The following UBR4 variants were observed in gnomAD, a reference collection of about 807,000 sequenced individuals.
UBR4 encodes E3 ubiquitin-protein ligase UBR4.
UBR4 carries 124 observed loss-of-function variants against 575.6 expected under a neutral mutation model. The ratio of observed to expected loss-of-function variants is 0.22; its 90% CI spans 0.19 to 0.25. UBR4 has a LOEUF of 0.25. UBR4 is among the 10% of genes least tolerant of loss of function. The pLI is 1.00. For missense variants in UBR4, 4,818 were observed against 6,478.8 expected, an observed-to-expected ratio of 0.74 and a Z score of 8.80; for synonymous variants, 2,455 against 2,473.7, an observed-to-expected ratio of 0.99 and a Z score of 0.22.
chr1:19,081,807 G>A (rs1219145016), intron 102 of UBR4: 3 of 700,698 alleles, frequency 4.3e-6, no homozygotes, highest in Non-Finnish European at 8.0e-6. Context: ...CTGGCCCCAT[G>A]TCTAGCTCCT....
intron 3 of UBR4, among the ~76,000 whole-genome samples, chr1:19,199,278 T>G (rs116434731): frequency 9.5e-4 from 145 of 152,338 alleles, no homozygotes; most frequent in African/African-American, 3.2e-3. Context: ...ACCTGCAATC[T>G]TCTCAACTAG....
At chr1:19,199,924 T>A (rs546949528) in intron 2 of UBR4, among the ~76,000 whole-genome samples, 170 bp from the exon 3 acceptor site, 1 of 152,218 alleles carries the variant, frequency 6.6e-6, no homozygotes. Flanking sequence ...AACTACCAGA[T>A]CAATTTATCT....
chr1:19,092,713 T>C, intron 97 of UBR4, 106 bp downstream of exon 97: 2 of 903,808 alleles, frequency 2.2e-6, no homozygotes, highest in Non-Finnish European at 3.3e-6. Flanking sequence ...GAGGCTCACT[T>C]CTACTCTAGA....
rs113497754 is a variant in UBR4 at position 19,100,304 on chromosome 1, C to T, written c.13221+72G>A. On this transcript the variant is annotated intron_variant, in intron 89 of 105. Transcript: ENST00000375254. This position sits in a 1 kb window ranked among gnomAD's most constrained non-coding sequence, Gnocchi z 4.2. ...AAGTTAATCAGCTACTAGGAAGAAG[C>T]ACCTGGATTTGGTTAGCCTAGGAGG... 778 of 1,549,596 alleles carry T rather than the reference C, an allele frequency of 5.0e-4. 16 individuals are homozygous for T. In the South Asian group the frequency reaches 6.8e-3, roughly 13 times the overall value.
chr1:19,155,817 T>C, intron 42 of UBR4, 149 bp from the exon 43 acceptor site: 1 of 669,234 alleles, frequency 1.5e-6, no homozygotes, highest in African/African-American at 1.8e-5. Context: ...ACTGGTCTTA[T>C]AAAGATGAAC....
chr1:19,126,174 C>T (rs1176878809), intron 64 of UBR4, among the ~76,000 whole-genome samples: 1 of 152,140 alleles, frequency 6.6e-6, no homozygotes, highest in Admixed American at 6.5e-5. Flanking sequence ...TAGCTTGTAC[C>T]TTCTCATCTT....
chr1:19,192,006 A>C (rs1168567560), intron 11 of UBR4, among the ~76,000 whole-genome samples, 182 bp downstream of exon 11: 1 of 152,236 alleles, frequency 6.6e-6, no homozygotes, highest in Non-Finnish European at 1.5e-5. Flanking sequence ...TGAGTGACTT[A>C]TCTAAAAATC....
At chr1:19,131,683 G>T (rs1166438508) in intron 60 of UBR4, among the ~76,000 whole-genome samples, 1 of 152,202 alleles carries the variant, frequency 6.6e-6, no homozygotes, top group Admixed American at 6.5e-5. Flanking sequence ...AGACCAGCCT[G>T]ACCAACATGG....
In UBR4 at chr1:19,173,190, G is replaced by C. The variant is rs759188184; in HGVS notation, c.3282C>G (p.Phe1094Leu). The change falls in exon 24 of 106, where the codon TTC (phenylalanine) becomes TTG (leucine). Residue 1094 changes from phenylalanine (F) to leucine (L), a missense_variant. By Grantham distance (22) the Phe-to-Leu change is conservative. Transcript: ENST00000375254. ...KYDVEIVEEY[F>L]ARQISSFCSI... ...TTCCAATATTACATACCTGTCGAGC[G>C]AAGTATTCCTCTACTATTTCAACAT... The C allele has an allele frequency of 6.2e-7, 1 of 1,614,186 alleles. No homozygotes were observed. Among genetic ancestry groups the C allele is most frequent in the East Asian group, 2.2e-5 (1 of 44,890 alleles).
At chr1:19,134,979 C>T (rs1003928244) in intron 60 of UBR4, among the ~76,000 whole-genome samples, 6 of 151,860 alleles carry the variant, frequency 4.0e-5, no homozygotes, top group African/African-American at 1.5e-4. Context: ...CCTTTTAATG[C>T]TTTTGTGTCC....
chr1:19,093,003 C>G lies in UBR4; in HGVS notation c.14112-85G>C. The G allele has an allele frequency of 8.0e-7, 1 of 1,247,550 alleles. No homozygotes were observed. The highest frequency in any genetic ancestry group is 1.3e-5 in the South Asian group (1 of 74,598). The allele number at this position is 1,247,550 out of a possible 1,614,324, so 77.3% of individuals were successfully genotyped here. A position where few individuals can be genotyped will look rare whatever the true frequency, so the allele number is the denominator to read the frequency against. Reference sequence around the variant, plus strand: ...GTTGTTGACTCTGGCTTGTTTAAACCCCCAGGGCATGATTAACCGTGACCC... The same window carrying G: ...GTTGTTGACTCTGGCTTGTTTAAACGCCCAGGGCATGATTAACCGTGACCC... On this transcript the variant is annotated intron_variant, in intron 96 of 105. Transcript: ENST00000375254. The surrounding 1 kb of genome is among the most constrained non-coding windows in gnomAD (Gnocchi z 4.8).
At chr1:19,096,188 C>A (rs1370269171) in intron 92 of UBR4, among the ~76,000 whole-genome samples, 1 of 152,106 alleles carries the variant, frequency 6.6e-6, no homozygotes. Context: ...AATACCCAAA[C>A]AAAACCCTAC....
chr1:19,178,812 G>A (rs1227214437), intron 18 of UBR4, among the ~76,000 whole-genome samples: 2 of 152,122 alleles, frequency 1.3e-5, no homozygotes, highest in Non-Finnish European at 2.9e-5. Flanking sequence ...CAAGATTGTG[G>A]TTCCATCGCA....
chr1:19,185,427 A>C (rs1357421117), intron 14 of UBR4, 141 bp from the exon 15 acceptor site: 2 of 757,436 alleles, frequency 2.6e-6, no homozygotes, highest in Non-Finnish European at 4.0e-6. Context: ...GCATTTGTGT[A>C]TCAAAACTCA....
intron 1 of UBR4, among the ~76,000 whole-genome samples, chr1:19,209,032 T>C (rs1256556628): frequency 2.0e-5 from 3 of 152,222 alleles, no homozygotes; most frequent in Non-Finnish European, 4.4e-5. Flanking sequence ...TTATTATAAT[T>C]TGTTAAAAAC....
Position 19,146,973 on chromosome 1 carries a change from G to T in UBR4, c.7657C>A (p.Gln2553Lys), listed in dbSNP as rs1186445974. The T allele has an allele frequency of 1.2e-6, 2 of 1,611,314 alleles. No individual in the cohort carries two copies. The highest frequency in any genetic ancestry group is 1.7e-6 in the Non-Finnish European group (2 of 1,178,360). ...KDQALLSKAV[Q>K]CLNTSSKEGK... ...TCTTTGCTAGATGTGTTGAGACACT[G>T]CACAGCTTTGCTCAGCAAGGCCTGA... The change falls in exon 52 of 106, where the codon CAG becomes AAG. Residue 2553 changes from glutamine to lysine, a missense_variant. This residue lies in a region of UBR4 where 340 missense variants were observed against 375.4 expected (regional missense o/e 0.91). Transcript: ENST00000375254.
intron 1 of UBR4, among the ~76,000 whole-genome samples, chr1:19,204,457 G>C (rs72964005): frequency 0.044 from 6,620 of 151,892 alleles, 431 homozygotes; most frequent in African/African-American, 0.15. Context: ...CCAAATCTAA[G>C]AGAAATACTG....
At chr1:19,145,480 A>G (rs1184716290) in intron 53 of UBR4, among the ~76,000 whole-genome samples, 1 of 148,128 alleles carries the variant, frequency 6.8e-6, no homozygotes, top group African/African-American at 2.5e-5. Flanking sequence ...GTTGTCAAAG[A>G]TTTTTAAAAA....
At position 19,117,809 on chromosome 1, in the gene UBR4, C is replaced by G; in HGVS notation, c.10629+14G>C. ...TATTGGCCTCAGGACTGTCCATGTA[C>G]AGATGTTACTTACACAGAACGGTAC... On this transcript the variant is annotated intron_variant, in intron 72 of 105. Transcript: ENST00000375254. The surrounding 1 kb of genome is among the most constrained non-coding windows in gnomAD (Gnocchi z 4.0). The G allele has an allele frequency of 6.2e-7, 1 of 1,613,186 alleles. No individual in the cohort carries two copies. Among genetic ancestry groups the G allele is most frequent in the Non-Finnish European group, 8.5e-7 (1 of 1,179,118 alleles).
Sources: gnomAD v4.1 joint callset for allele counts (sites outside exome capture counted in the v4.1 genomes callset) on GRCh38, gnomAD v4.1.1 for gene constraint, gnomAD v4.1.1 regional missense constraint, Gnocchi (gnomAD v3.1) non-coding constraint, MANE v1.5 for transcripts, NCBI Gene and HGNC (gene_info 2026-07-23, HGNC 2026-07-21) for gene names.